ARK2C: variants seen among roughly 807,000 people sequenced by gnomAD.
The protein encoded by ARK2C is arkadia (RNF111) C-terminal like ring finger ubiquitin ligase 2C.
chr18:46,400,060 T>C, the ARK2C span, among the ~76,000 whole-genome samples: 1 of 152,214 alleles, frequency 6.6e-6, no homozygotes, highest in East Asian at 1.9e-4. Context: ...CTCTGGTCCC[T>C]GGAGCACTGG....
the ARK2C span, among the ~76,000 whole-genome samples, chr18:46,393,122 A>G: frequency 6.6e-6 from 1 of 152,132 alleles, no homozygotes; most frequent in South Asian, 2.1e-4. Context: ...GAGCTTCACA[A>G]ATCCAGACTT....
the ARK2C span, among the ~76,000 whole-genome samples, chr18:46,368,219 G>T: frequency 6.6e-6 from 1 of 152,190 alleles, no homozygotes; most frequent in Non-Finnish European, 1.5e-5. Flanking sequence ...TTCACTAAAT[G>T]CATTCATCCT....
At chr18:46,397,381 G>A in the ARK2C span, among the ~76,000 whole-genome samples, 4 of 151,762 alleles carry the variant, frequency 2.6e-5, no homozygotes, top group African/African-American at 9.7e-5. Flanking sequence ...CTGTGTGTGT[G>A]TGTGGTCATG....
chr18:46,435,552 G>A, the ARK2C span, among the ~76,000 whole-genome samples: 2 of 152,166 alleles, frequency 1.3e-5, no homozygotes, highest in Non-Finnish European at 2.9e-5. Context: ...GCCACCCTCT[G>A]GGCCAGATGG....
At chr18:46,401,023 G>A in the ARK2C span, among the ~76,000 whole-genome samples, 1 of 152,146 alleles carries the variant, frequency 6.6e-6, no homozygotes, top group Non-Finnish European at 1.5e-5. Context: ...TGGAAACGCT[G>A]GGGAGGCCAG....
chr18:46,366,402 G>T, the ARK2C span, among the ~76,000 whole-genome samples: 1 of 151,142 alleles, frequency 6.6e-6, no homozygotes, highest in Admixed American at 6.6e-5. Flanking sequence ...CTGACTATAT[G>T]ACCTCTCCCT....
chr18:46,334,394 CG>C, the ARK2C span: 3 of 1,479,072 alleles, frequency 2.0e-6, no homozygotes, highest in Non-Finnish European at 2.7e-6. This position sits in a 1 kb window ranked among gnomAD's most constrained non-coding sequence, Gnocchi z 4.4. Context: ...GGCACCGGGG[CG>C]GGGGCGGGCG....
chr18:46,334,324 T>G, the ARK2C span: 2 of 1,586,102 alleles, frequency 1.3e-6, no homozygotes, highest in East Asian at 4.8e-5. The surrounding 1 kb of genome is among the most constrained non-coding windows in gnomAD (Gnocchi z 4.4). Context: ...TTTGGCTCTG[T>G]GCGAAACAGA....
At chr18:46,408,560 T>C in the ARK2C span, among the ~76,000 whole-genome samples, 2 of 152,238 alleles carry the variant, frequency 1.3e-5, no homozygotes, top group African/African-American at 4.8e-5. Flanking sequence ...GTTATCAGCC[T>C]GCTGCGGGGA....
the ARK2C span, chr18:46,435,187 A>G: frequency 1.1e-6 from 1 of 916,856 alleles, no homozygotes; most frequent in Admixed American, 2.0e-5. Context: ...GTGGGGCTGC[A>G]AGAGTGGGGC....
the ARK2C span, among the ~76,000 whole-genome samples, chr18:46,423,431 C>T: frequency 1.3e-5 from 2 of 152,192 alleles, no homozygotes; most frequent in Non-Finnish European, 2.9e-5. Context: ...CTGTCATAGG[C>T]AGGAACAGGC....
At chr18:46,441,751 A>G in the ARK2C span, among the ~76,000 whole-genome samples, 2 of 147,348 alleles carry the variant, frequency 1.4e-5, no homozygotes, top group African/African-American at 5.0e-5. Flanking sequence ...AGCCAGGTGC[A>G]GTGGCGGGCG....
the ARK2C span, chr18:46,337,677 T>G: frequency 1.1e-6 from 1 of 915,632 alleles, no homozygotes; most frequent in Non-Finnish European, 1.3e-6. Context: ...CTCTTGCTGT[T>G]TTCCCATTTA....
chr18:46,406,512 T>G, the ARK2C span, among the ~76,000 whole-genome samples: 2 of 152,136 alleles, frequency 1.3e-5, no homozygotes, highest in East Asian at 3.9e-4. Context: ...CTGGGAGAGT[T>G]TCTAGAGTGC....
the ARK2C span, among the ~76,000 whole-genome samples, chr18:46,382,819 ATGGCAAGGTC>A: frequency 6.6e-6 from 1 of 152,298 alleles, no homozygotes; most frequent in Admixed American, 6.5e-5. Context: ...GGTTTCAAAC[ATGGCAAGGTC>A]TGGCATCTGA....
chr18:46,372,611 T>A, the ARK2C span, among the ~76,000 whole-genome samples: 1 of 152,008 alleles, frequency 6.6e-6, no homozygotes, highest in Non-Finnish European at 1.5e-5. Flanking sequence ...GGTGTCTGGG[T>A]TCCAATGAGA....
the ARK2C span, among the ~76,000 whole-genome samples, chr18:46,449,574 G>C: frequency 2.0e-5 from 3 of 152,084 alleles, no homozygotes; most frequent in Non-Finnish European, 2.9e-5. Context: ...CACATGTTAA[G>C]GGCAGGACCA....
chr18:46,400,673 C>T, the ARK2C span, among the ~76,000 whole-genome samples: 83 of 152,154 alleles, frequency 5.5e-4, no homozygotes, highest in Non-Finnish European at 5.3e-4. Flanking sequence ...CAGCGTGCCT[C>T]TCAGTGCAGT....
the ARK2C span, among the ~76,000 whole-genome samples, chr18:46,397,851 G>A: frequency 6.8e-6 from 1 of 146,300 alleles, no homozygotes. Flanking sequence ...AGGAGGGTGT[G>A]TGTGCATGTG....
Sources: allele counts gnomAD v4.1 joint callset (sites outside exome capture counted in the v4.1 genomes callset), GRCh38; gene constraint gnomAD v4.1.1; non-coding constraint Gnocchi (gnomAD v3.1); transcripts MANE v1.5; gene names NCBI Gene and HGNC (gene_info 2026-07-23, HGNC 2026-07-21).